Variants in TMEM108 observed in about 807,000 individuals in gnomAD.
The protein encoded by TMEM108 is transmembrane protein 108.
Under a neutral mutation model 35.1 loss-of-function variants are expected in TMEM108, and 12 were observed. That is an observed-to-expected ratio of 0.34 (90% CI 0.22 to 0.55). The LOEUF is 0.55. Ranked by LOEUF, TMEM108 falls within the 20% of genes least tolerant of loss-of-function variation. The pLI, the probability that TMEM108 is intolerant of heterozygous loss-of-function variation, is 0.89. For synonymous variants in TMEM108, 287 were observed against 308.6 expected (o/e 0.93, Z 0.73); for missense variants, 680 against 753.3 (o/e 0.90, Z 1.14).
At chr3:133,068,568 G>A (rs943724970) in intron 2 of TMEM108, among the ~76,000 whole-genome samples, 1 of 152,090 alleles carries the variant, frequency 6.6e-6, no homozygotes, top group African/African-American at 2.4e-5. Context: ...GCTGATGAAG[G>A]GTTCAAAATG....
At chr3:133,062,139 G>T (rs1943543934) in intron 2 of TMEM108, among the ~76,000 whole-genome samples, 2 of 152,240 alleles carry the variant, frequency 1.3e-5, no homozygotes. Context: ...AATTAGCTTT[G>T]CAAGTAAAAT....
chr3:133,348,983 T>A (rs796393731), intron 3 of TMEM108, among the ~76,000 whole-genome samples: 11 of 152,288 alleles, frequency 7.2e-5, no homozygotes, highest in African/African-American at 2.6e-4. Flanking sequence ...ATATTTTCAG[T>A]AAACATGATT....
At chr3:133,097,743 C>T (rs1036121755) in intron 2 of TMEM108, among the ~76,000 whole-genome samples, 6 of 152,146 alleles carry the variant, frequency 3.9e-5, no homozygotes, top group African/African-American at 1.4e-4. Flanking sequence ...ATGTGGTTTA[C>T]TGTTACTTTT....
At chr3:133,316,791 T>G (rs3849404) in intron 3 of TMEM108, among the ~76,000 whole-genome samples, 46,537 of 152,136 alleles carry the variant, frequency 0.31, 7,853 homozygotes, top group East Asian at 0.47. Flanking sequence ...CAGTTTGTAG[T>G]GGGCAAGACC....
chr3:133,375,184 A>G lies in TMEM108; in HGVS notation c.41-4568A>G, dbSNP rs562613753. ...CATCAATTCCCTTGTTGCCTTTGCCAGATGCAAATGTCATGCCCAATATGG... is the reference window on the plus strand; with the variant it reads ...CATCAATTCCCTTGTTGCCTTTGCCGGATGCAAATGTCATGCCCAATATGG... On this transcript the variant is annotated intron_variant, in intron 3 of 5. Coordinates refer to ENST00000321871, the MANE Select transcript of TMEM108 (RefSeq NM_023943.4). 4.3e-4 allele frequency among the ~76,000 whole-genome samples: 66 copies of G among 152,218 alleles called. 1 individual carries two copies. The highest frequency in any genetic ancestry group is 7.9e-4 in the Admixed American group (12 of 15,276).
intron 3 of TMEM108, among the ~76,000 whole-genome samples, chr3:133,295,431 G>C (rs956292358): frequency 6.6e-6 from 1 of 152,174 alleles, no homozygotes; most frequent in East Asian, 1.9e-4. Context: ...TCTGTAATTG[G>C]AGAGGCTGAT....
chr3:133,232,879 G>A (rs1041199306), intron 3 of TMEM108, among the ~76,000 whole-genome samples: 1 of 152,176 alleles, frequency 6.6e-6, no homozygotes, highest in Admixed American at 6.5e-5. Context: ...GTGGTGATGA[G>A]AGCCTTTATG....
At chr3:133,395,307 C>A (rs138783527) in intron 5 of TMEM108, among the ~76,000 whole-genome samples, 47 of 152,298 alleles carry the variant, frequency 3.1e-4, no homozygotes, top group Non-Finnish European at 2.8e-4. Flanking sequence ...TGGAAGGACT[C>A]AGAGCGGGAA....
At chr3:133,260,966 A>G (rs1946614974) in intron 3 of TMEM108, among the ~76,000 whole-genome samples, 1 of 152,222 alleles carries the variant, frequency 6.6e-6, no homozygotes, top group African/African-American at 2.4e-5. Flanking sequence ...AGAGTAAAAG[A>G]TGTCCTAACC....
chr3:133,392,974 T>C lies in TMEM108; in HGVS notation c.1605+2640T>C, dbSNP rs116456334. On this transcript the variant is annotated intron_variant, in intron 5 of 5. Coordinates refer to ENST00000321871, the MANE Select transcript of TMEM108 (RefSeq NM_023943.4). ...ACAGCTTCCACTTTCAAGTGGCTCT[T>C]CTCTACATTTTGAATAAAATCCAGA... Among the ~76,000 whole-genome samples, 1,310 of 152,296 alleles carry C rather than the reference T, an allele frequency of 8.6e-3. 21 individuals carry two copies. Among genetic ancestry groups the C allele is most frequent in the African/African-American group, 0.03 (1,230 of 41,566 alleles).
chr3:133,375,225 C>T (rs1272866395), intron 3 of TMEM108, among the ~76,000 whole-genome samples: 2 of 152,212 alleles, frequency 1.3e-5, no homozygotes, highest in Non-Finnish European at 2.9e-5. Context: ...AGGCAGCCAA[C>T]CAAATAAACA....
intron 3 of TMEM108, among the ~76,000 whole-genome samples, chr3:133,291,724 G>A (rs931528360): frequency 2.6e-5 from 4 of 152,094 alleles, no homozygotes; most frequent in African/African-American, 9.7e-5. Context: ...TGTCCTTAAT[G>A]AAGCCATCAA....
chr3:133,372,393 A>T (rs549049660), intron 3 of TMEM108, among the ~76,000 whole-genome samples: 4 of 152,084 alleles, frequency 2.6e-5, no homozygotes, highest in Non-Finnish European at 5.9e-5. Flanking sequence ...TTGAGCTGAA[A>T]ATTTGTCATT....
At chr3:133,106,494 AGGGT>A (rs775111274) in intron 2 of TMEM108, among the ~76,000 whole-genome samples, 1 of 152,198 alleles carries the variant, frequency 6.6e-6, no homozygotes, top group Non-Finnish European at 1.5e-5. Context: ...GCTAGCCTCC[AGGGT>A]GGCCAACCAT....
intron 2 of TMEM108, among the ~76,000 whole-genome samples, chr3:133,176,580 C>G (rs1025343522): frequency 1.1e-4 from 17 of 151,926 alleles, no homozygotes; most frequent in East Asian, 3.9e-4. Flanking sequence ...GGGTACATAA[C>G]GAAATGAAGG....
At chr3:133,180,920 C>T (rs1945327778) in intron 2 of TMEM108, among the ~76,000 whole-genome samples, 1 of 145,204 alleles carries the variant, frequency 6.9e-6, no homozygotes, top group African/African-American at 2.5e-5. Flanking sequence ...ACAAACTTCA[C>T]TCTTAGATTT....
chr3:133,311,790 A>C (rs933996072), intron 3 of TMEM108, among the ~76,000 whole-genome samples: 16 of 152,120 alleles, frequency 1.1e-4, no homozygotes, highest in Admixed American at 8.5e-4. Context: ...GAGAAGAGGC[A>C]CTCCGGTTTT....
chr3:133,279,063 C>CT (rs1389720500), intron 3 of TMEM108, among the ~76,000 whole-genome samples: 1 of 152,162 alleles, frequency 6.6e-6, no homozygotes, highest in Non-Finnish European at 1.5e-5. Context: ...CCTTCAAGGC[C>CT]TAGTGTTTTG....
chr3:133,100,825 AAAT>A (rs1460252615), intron 2 of TMEM108, among the ~76,000 whole-genome samples: 4 of 152,214 alleles, frequency 2.6e-5, no homozygotes, highest in African/African-American at 9.7e-5. Context: ...ACAGTAAAGA[AAAT>A]AACCTGTAAC....
Sources: gnomAD v4.1 joint callset for allele counts (sites outside exome capture counted in the v4.1 genomes callset) on GRCh38, gnomAD v4.1.1 for gene constraint, MANE v1.5 for transcripts, NCBI Gene and HGNC (gene_info 2026-07-23, HGNC 2026-07-21) for gene names.